Variants in ADGRL3 observed in about 807,000 individuals in gnomAD.
ADGRL3 encodes adhesion G protein-coupled receptor L3, also known as calcium-independent alpha-latrotoxin receptor 3.
In ADGRL3, 62 loss-of-function variants were observed where a neutral mutation model predicts 153.5. The observed-to-expected ratio is 0.40, with a 90% CI of 0.33 to 0.50. The LOEUF (loss-of-function observed/expected upper bound fraction) is 0.50. Among genes scored for constraint, ADGRL3 ranks in the 20% least tolerant of loss-of-function variants. ADGRL3 has a pLI of 0.47. For synonymous variants in ADGRL3, 710 were observed against 672.5 expected, an observed-to-expected ratio of 1.06 and a Z score of -0.86; for missense variants, 1,641 against 1,859.4, an observed-to-expected ratio of 0.88 and a Z score of 2.16.
intron 9 of ADGRL3, among the ~76,000 whole-genome samples, chr4:61,823,891 C>A (rs1399936673): frequency 1.3e-5 from 2 of 151,970 alleles, no homozygotes; most frequent in Admixed American, 1.3e-4. Flanking sequence ...GAAACCCTGT[C>A]TCTACTAAAA....
intron 21 of ADGRL3, among the ~76,000 whole-genome samples, chr4:62,023,107 G>C (rs2099245597): frequency 1.3e-5 from 2 of 152,076 alleles, no homozygotes; most frequent in Non-Finnish European, 2.9e-5. Flanking sequence ...ATTCATGGGA[G>C]GAGTAAAAAT....
intron 9 of ADGRL3, among the ~76,000 whole-genome samples, chr4:61,867,789 C>A (rs923362549): frequency 6.6e-6 from 1 of 151,664 alleles, no homozygotes; most frequent in African/African-American, 2.4e-5. Flanking sequence ...GCCACTTAAG[C>A]CATCCTCAAA....
intron 4 of ADGRL3, among the ~76,000 whole-genome samples, chr4:61,557,791 T>C (rs2148916179): frequency 6.6e-6 from 1 of 150,460 alleles, no homozygotes; most frequent in Non-Finnish European, 1.5e-5. Flanking sequence ...GTTTCAGTGT[T>C]TTTTTTTTTC....
Position 61,510,964 on chromosome 4 carries a change from G to A in ADGRL3, c.56-6351G>A, listed in dbSNP as rs140183548. ...TGAGCAGTGTTTTGTAGTTCTCCTC[G>A]TAGAGATCTTTTCACCCCCCTGATT... On this transcript the variant is annotated intron_variant, in intron 3 of 26. Coordinates refer to ENST00000683033, the MANE Select transcript of ADGRL3 (RefSeq NM_001387552.1). 2.0e-3 allele frequency among the ~76,000 whole-genome samples: 306 copies of A among 152,136 alleles called. 1 individual carries two copies. Among genetic ancestry groups the A allele is most frequent in the African/African-American group, 4.9e-3 (202 of 41,496 alleles).
At chr4:61,696,670 C>CTTT (rs34306284) in intron 6 of ADGRL3, among the ~76,000 whole-genome samples, 1,555 of 102,010 alleles carry the variant, frequency 0.015, 36 homozygotes, top group East Asian at 0.031. Context: ...TTTTTTTAAC[C>CTTT]TTTTTTTTTT....
intron 1 of ADGRL3, among the ~76,000 whole-genome samples, chr4:61,304,116 CT>C (rs1450429429): frequency 6.6e-6 from 1 of 152,182 alleles, no homozygotes; most frequent in African/African-American, 2.4e-5. Flanking sequence ...GTAGCAGCTG[CT>C]GATAATTGTA....
At chr4:61,249,747 T>C (rs1758519051) in intron 1 of ADGRL3, among the ~76,000 whole-genome samples, 1 of 152,190 alleles carries the variant, frequency 6.6e-6, no homozygotes, top group Non-Finnish European at 1.5e-5. Context: ...AGAGAATGGA[T>C]ACTATGCACG....
At chr4:61,714,301 A>C (rs1349880479) in intron 6 of ADGRL3, among the ~76,000 whole-genome samples, 1 of 151,682 alleles carries the variant, frequency 6.6e-6, no homozygotes, top group Non-Finnish European at 1.5e-5. Flanking sequence ...ACTTGATATT[A>C]TGAGAAAGTC....
chr4:61,886,327 G>T (rs2098538404), intron 9 of ADGRL3, among the ~76,000 whole-genome samples: 1 of 152,134 alleles, frequency 6.6e-6, no homozygotes, highest in Admixed American at 6.5e-5. Context: ...TGACAGCATT[G>T]TTATGGTTTC....
chr4:61,292,534 T>C (rs908770643), intron 1 of ADGRL3, among the ~76,000 whole-genome samples: 4 of 152,178 alleles, frequency 2.6e-5, no homozygotes, highest in African/African-American at 9.6e-5. Context: ...TGTGTAACTG[T>C]GTATTCATAA....
At chr4:61,821,295 G>T (rs1009505535) in intron 9 of ADGRL3, among the ~76,000 whole-genome samples, 19 of 150,004 alleles carry the variant, frequency 1.3e-4, no homozygotes, top group African/African-American at 4.7e-4. Context: ...GACAATTATT[G>T]AATATATTCC....
intron 8 of ADGRL3, among the ~76,000 whole-genome samples, chr4:61,744,407 C>A: frequency 6.6e-6 from 1 of 152,176 alleles, no homozygotes; most frequent in Admixed American, 6.5e-5. Flanking sequence ...GGCAGACTGC[C>A]TCCTCAAGTG....
intron 1 of ADGRL3, among the ~76,000 whole-genome samples, chr4:61,252,318 C>T (rs2342486): frequency 0.29 from 44,536 of 151,862 alleles, 6,806 homozygotes; most frequent in East Asian, 0.39. Flanking sequence ...TAAGGAACAA[C>T]AGGAGGTAAA....
chr4:61,860,724 G>T (rs1441672982), intron 9 of ADGRL3, among the ~76,000 whole-genome samples: 1 of 152,016 alleles, frequency 6.6e-6, no homozygotes, highest in African/African-American at 2.4e-5. Flanking sequence ...ATTAATAGCT[G>T]CCATGAGAGT....
chr4:62,056,280 T>C lies in ADGRL3; in HGVS notation c.3814+11731T>C, dbSNP rs964579126. Among the ~76,000 whole-genome samples, 3 of 151,860 alleles carry C rather than the reference T, an allele frequency of 2.0e-5. No individual in the cohort carries two copies. In the South Asian group the frequency reaches 6.2e-4, roughly 31 times the overall value. ...TCAATTAGGTGATATAAATATAATA[T>C]ATATTTGGAGTACTTCTAATTTATT... On this transcript the variant is annotated intron_variant, in intron 25 of 26. Transcript: ENST00000683033.
intron 9 of ADGRL3, among the ~76,000 whole-genome samples, chr4:61,890,987 A>G (rs1011948095): frequency 4.6e-5 from 7 of 152,302 alleles, no homozygotes; most frequent in Non-Finnish European, 1.0e-4. Flanking sequence ...TATTGTGTAT[A>G]GTTTTAAGCT....
intron 2 of ADGRL3, among the ~76,000 whole-genome samples, chr4:61,443,314 C>T (rs1306095888): frequency 6.6e-6 from 1 of 152,076 alleles, no homozygotes; most frequent in African/African-American, 2.4e-5. Flanking sequence ...AAGAATATTT[C>T]AGTGCTGTTT....
intron 1 of ADGRL3, among the ~76,000 whole-genome samples, chr4:61,260,641 A>G (rs1435118531): frequency 6.6e-6 from 1 of 152,252 alleles, no homozygotes; most frequent in Non-Finnish European, 1.5e-5. Context: ...GCATCAATAC[A>G]TAGAAATTTG....
At chr4:61,667,606 G>C (rs1010073007) in intron 5 of ADGRL3, among the ~76,000 whole-genome samples, 1 of 152,114 alleles carries the variant, frequency 6.6e-6, no homozygotes, top group Non-Finnish European at 1.5e-5. Context: ...GAGGTTTTAC[G>C]TAAGTCCAAA....
Sources: gnomAD v4.1 joint callset for allele counts (sites outside exome capture counted in the v4.1 genomes callset) on GRCh38, gnomAD v4.1.1 for gene constraint, MANE v1.5 for transcripts, NCBI Gene and HGNC (gene_info 2026-07-23, HGNC 2026-07-21) for gene names.